CEP295: variants seen among roughly 807,000 people sequenced by gnomAD.
CEP295 encodes the protein centrosomal protein 295, also known as centrosomal protein of 295 kDa.
Under a neutral mutation model 291.6 loss-of-function variants are expected in CEP295, and 190 were observed. The ratio of observed to expected loss-of-function variants is 0.65; its 90% CI spans 0.58 to 0.73. CEP295 has a LOEUF of 0.73. CEP295 is among the 30% of genes least tolerant of loss of function. The probability of loss-of-function intolerance (pLI) is 0.00; values close to 1 mark genes in which losing one functional copy is unlikely to be tolerated. For synonymous variants in CEP295, 993 were observed against 1,038.8 expected (o/e 0.96, Z 0.85); for missense variants, 2,863 against 2,949.4 (o/e 0.97, Z 0.68).
At chr11:93,716,193 C>T (rs948831292) in intron 18 of CEP295, among the ~76,000 whole-genome samples, 1 of 152,156 alleles carries the variant, frequency 6.6e-6, no homozygotes, top group Admixed American at 6.5e-5. Flanking sequence ...GGATACTTCC[C>T]CTCTGGCTAG....
At position 93,727,441 on chromosome 11, in the gene CEP295, G is replaced by C. The variant is rs369506006; in HGVS notation, c.6965G>C (p.Arg2322Pro). ...CCACAGGTAGAGGAAACTGACTCTC[G>C]ATTATGTGTAAGAACAGTGGAGATG... ...INPQVEETDS[R>P]LCVRTVEMGT... Residue 2322 changes from arginine (R) to proline (P), a missense_variant, in exon 24 of 30, where the codon CGA (arginine) becomes CCA (proline). Physicochemically the swap from Arg to Pro is moderately radical, Grantham distance 103. This residue lies in a region of CEP295 where 2,295 missense variants were observed against 2,335.7 expected (regional missense o/e 0.98). Transcript: ENST00000325212. 6.4e-7 allele frequency: 1 copy of C among 1,551,856 alleles called. No individual in the cohort carries two copies. Among genetic ancestry groups the C allele is most frequent in the Non-Finnish European group, 8.7e-7 (1 of 1,146,978 alleles).
chr11:93,667,658 C>G lies in CEP295; in HGVS notation c.160C>G (p.Gln54Glu), dbSNP rs1565426470. 1 of 1,551,264 alleles carries G rather than the reference C, an allele frequency of 6.4e-7. No individual in the cohort carries two copies. The highest frequency in any genetic ancestry group is 1.2e-5 in the South Asian group (1 of 84,032). ...IALQIREDIK[Q>E]RRNQQFTRLA... ...CTTACAGATAAGAGAAGACATAAAA[C>G]AGAGGAGAAATCAACAATTTACACG... The change falls in exon 3 of 30, where the codon CAG becomes GAG. Residue 54 changes from glutamine to glutamate, a missense_variant. Gln to Glu is a conservative substitution (Grantham distance 29). Around this residue, in one of 3 missense-constraint regions of CEP295, gnomAD observed 554 missense variants for 576.0 expected, o/e 0.96. Coordinates refer to ENST00000325212, the MANE Select transcript of CEP295 (RefSeq NM_033395.2).
rs899181635 is a variant in CEP295 at position 93,702,756 on chromosome 11, C to G, written c.5453-20C>G. ...TTAATAGATTTTGTATTGTATCCAA[C>G]TTTGTCATTGACTTAATAGGTGAGC... On this transcript the variant is annotated intron_variant, in intron 16 of 29. Transcript: ENST00000325212. 8 of 1,550,298 alleles carry G rather than the reference C, an allele frequency of 5.2e-6. No homozygotes were observed. In the South Asian group the frequency reaches 7.2e-5, roughly 14 times the overall value.
intron 9 of CEP295, among the ~76,000 whole-genome samples, chr11:93,686,554 CAATGAATTTACTTCTTAAA>C (rs980453142): frequency 3.9e-5 from 6 of 151,906 alleles, no homozygotes; most frequent in Non-Finnish European, 8.8e-5. Context: ...TAAATATTGG[CAATGAATTTACTTCTTAAA>C]AATGAGTGGG....
rs958773421 is a variant in CEP295, at chr11:93,684,085, C to G, written c.1071C>G (p.Asp357Glu). 8 of 1,551,420 alleles carry G rather than the reference C, an allele frequency of 5.2e-6. No homozygotes were observed. The highest frequency in any genetic ancestry group is 7.0e-6 in the Non-Finnish European group (8 of 1,146,956). Residue 357 changes from aspartate (D) to glutamate (E), a missense_variant, in exon 9 of 30, where the codon GAC (aspartate) becomes GAG (glutamate). Physicochemically the swap from Asp to Glu is conservative, Grantham distance 45. This residue lies in a region of CEP295 where 554 missense variants were observed against 576.0 expected (regional missense o/e 0.96). Transcript: ENST00000325212. ...AAGAAAATTTGGGTGCAGCTGAAGACCTTCCAGTGACAGAAGCTGAAATAT... is the reference window on the plus strand; with the variant it reads ...AAGAAAATTTGGGTGCAGCTGAAGAGCTTCCAGTGACAGAAGCTGAAATAT... ...MEQENLGAAE[D>E]LPVTEAEICS... is the part of the protein sequence containing the mutation.
At chr11:93,707,761 A>G (rs886634719) in intron 18 of CEP295, among the ~76,000 whole-genome samples, 4 of 152,136 alleles carry the variant, frequency 2.6e-5, no homozygotes. Flanking sequence ...CATCTGAAAA[A>G]AAAAAAGAAG....
At chr11:93,696,499 A>G (rs1175353820) in intron 14 of CEP295, 82 bp downstream of exon 14, 8 of 1,110,408 alleles carry the variant, frequency 7.2e-6, no homozygotes, top group Non-Finnish European at 1.0e-5. Flanking sequence ...TGAGGATCTA[A>G]TTTGGATTTC....
At chr11:93,688,162 G>A (rs1951339212) in intron 10 of CEP295, among the ~76,000 whole-genome samples, 1 of 152,032 alleles carries the variant, frequency 6.6e-6, no homozygotes, top group Non-Finnish European at 1.5e-5. Context: ...GTGCTACAGT[G>A]GGCATCCTTT....
At chr11:93,710,498 C>G (rs1164766778) in intron 18 of CEP295, among the ~76,000 whole-genome samples, 2 of 152,248 alleles carry the variant, frequency 1.3e-5, no homozygotes, top group East Asian at 1.9e-4. Context: ...AATGAATGAT[C>G]TTTTTAATGT....
At chr11:93,714,548 C>T (rs1565206580) in intron 18 of CEP295, among the ~76,000 whole-genome samples, 1 of 152,212 alleles carries the variant, frequency 6.6e-6, no homozygotes, top group East Asian at 1.9e-4. Context: ...CATGCCCTGC[C>T]AAGAGTTAGG....
chr11:93,721,242 C>G, intron 18 of CEP295, 70 bp from the exon 19 acceptor site: 2 of 859,924 alleles, frequency 2.3e-6, no homozygotes, highest in Non-Finnish European at 1.9e-6. Flanking sequence ...TCCTGTGGTG[C>G]TAAGAATTTG....
intron 7 of CEP295, 82 bp downstream of exon 7, chr11:93,679,634 G>A (rs1590997043): frequency 1.7e-6 from 2 of 1,194,992 alleles, no homozygotes; most frequent in East Asian, 5.4e-5. Flanking sequence ...TGAGCTCAAA[G>A]AAAGGTAGGA....
chr11:93,697,444 A>T lies in CEP295; in HGVS notation c.2532A>T (p.Gln844His), dbSNP rs1951898914. The T allele has an allele frequency of 6.4e-7, 1 of 1,552,082 alleles. No homozygotes were observed. The highest frequency in any genetic ancestry group is 2.0e-5 in the Admixed American group (1 of 50,990). Residue 844 changes from glutamine (Q) to histidine (H), a missense_variant, in exon 15 of 30, where the codon CAA (glutamine) becomes CAT (histidine). Coordinates refer to ENST00000325212, the MANE Select transcript of CEP295 (RefSeq NM_033395.2). The stretch of plus-strand genomic sequence containing the variant: ...CGTCAGAGAATATCACAGCCCAGCA[A>T]GGTAATATGAAGGCCCTCCAAGAAC... ...LLPSENITAQ[Q>H]GNMKALQEQL... is the part of the protein sequence containing the mutation.
chr11:93,671,044 C>T lies in CEP295; in HGVS notation c.528+1274C>T, dbSNP rs375163578. 1.8e-4 allele frequency among the ~76,000 whole-genome samples: 28 copies of T among 152,040 alleles called. No individual in the cohort carries two copies. The South Asian group carries it at 4.1e-3, about 23-fold the overall frequency. ...ATTATAGGCATCTGCCACCATGCCC[C>T]GCTAATTTTTCTGTTTTTAGTAGAG... On this transcript the variant is annotated intron_variant, in intron 5 of 29. Transcript: ENST00000325212.
intron 17 of CEP295, among the ~76,000 whole-genome samples, chr11:93,703,808 GC>G (rs1952337758): frequency 7.5e-6 from 1 of 134,028 alleles, no homozygotes. Flanking sequence ...TCGCTCTGTC[GC>G]CCAGGCTGGA....
At chr11:93,679,308 A>T in intron 6 of CEP295, 104 bp from the exon 7 acceptor site, 1 of 941,888 alleles carries the variant, frequency 1.1e-6, no homozygotes. Flanking sequence ...CTCTTCTTAT[A>T]TTTTATATAT....
intron 13 of CEP295, 77 bp downstream of exon 13, chr11:93,695,711 T>C: frequency 2.1e-6 from 3 of 1,442,318 alleles, no homozygotes; most frequent in Admixed American, 3.4e-5. Flanking sequence ...TTGTAGCGTT[T>C]AGAAAAGTAA....
At chr11:93,704,685 T>C (rs1045296406) in intron 17 of CEP295, among the ~76,000 whole-genome samples, 2 of 152,324 alleles carry the variant, frequency 1.3e-5, no homozygotes, top group African/African-American at 2.4e-5. Flanking sequence ...GGTAAACTTA[T>C]TCAGATTTCC....
chr11:93,724,128 C>T lies in CEP295; in HGVS notation c.6197-126C>T, dbSNP rs1040465289. ...GGGAAAAACTGAAGTTTTTGTTACA[C>T]TGGAGTTACCTGAAAATAAGCGTTT... On this transcript the variant is annotated intron_variant, in intron 21 of 29. Coordinates refer to ENST00000325212, the MANE Select transcript of CEP295 (RefSeq NM_033395.2). 3 of 838,686 alleles carry T rather than the reference C, an allele frequency of 3.6e-6. No homozygotes were observed. The African/African-American group carries it at 5.2e-5, about 15-fold the overall frequency. The allele number at this position is 838,686 out of a possible 1,614,324, so 52.0% of individuals were successfully genotyped here. A position where few individuals can be genotyped will look rare whatever the true frequency, so the allele number is the denominator to read the frequency against.
Sources: allele counts gnomAD v4.1 joint callset (sites outside exome capture counted in the v4.1 genomes callset), GRCh38; gene constraint gnomAD v4.1.1; regional missense constraint gnomAD v4.1.1; transcripts MANE v1.5; gene names NCBI Gene and HGNC (gene_info 2026-07-23, HGNC 2026-07-21).